Variants in NCOR1 observed in about 807,000 individuals in gnomAD.
NCOR1 encodes the protein nuclear receptor corepressor 1, also known as protein phosphatase 1, regulatory subunit 109.
NCOR1 carries 63 observed loss-of-function variants against 288.1 expected under a neutral mutation model. The observed-to-expected ratio is 0.22, with a 90% CI of 0.18 to 0.27. The LOEUF (loss-of-function observed/expected upper bound fraction) is 0.27. Among genes scored for constraint, NCOR1 ranks in the 10% least tolerant of loss-of-function variants. The pLI is 1.00. For synonymous variants in NCOR1, 1,007 were observed against 1,065.9 expected, an observed-to-expected ratio of 0.94 and a Z score of 1.08; for missense variants, 2,397 against 3,019.2, an observed-to-expected ratio of 0.79 and a Z score of 4.83.
At chr17:16,118,981 A>G (rs1463470849) in intron 17 of NCOR1, among the ~76,000 whole-genome samples, 2 of 152,222 alleles carry the variant, frequency 1.3e-5, no homozygotes, top group Non-Finnish European at 2.9e-5. Flanking sequence ...GCAATCTGCT[A>G]GTGGTTTATA....
chr17:16,175,035 TAAA>T (rs1173244552), intron 3 of NCOR1, among the ~76,000 whole-genome samples: 6 of 128,520 alleles, frequency 4.7e-5, no homozygotes, highest in African/African-American at 1.8e-4. Flanking sequence ...AACTGTGGTA[TAAA>T]AAAAAAAAAA....
chr17:16,192,896 T>C (rs1293173083), intron 2 of NCOR1, among the ~76,000 whole-genome samples: 1 of 152,148 alleles, frequency 6.6e-6, no homozygotes, highest in East Asian at 1.9e-4. Context: ...CAGACATGGA[T>C]AGATCACAGA....
chr17:16,145,592 A>G (rs2077817134), intron 10 of NCOR1, among the ~76,000 whole-genome samples: 1 of 148,196 alleles, frequency 6.7e-6, no homozygotes, highest in Non-Finnish European at 1.5e-5. Flanking sequence ...CCGGCTGCCC[A>G]GTCTGAGACG....
At chr17:16,172,042 TACA>T in intron 3 of NCOR1, 47 bp from the exon 4 acceptor site, 1 of 1,411,514 alleles carries the variant, frequency 7.1e-7, no homozygotes, top group Non-Finnish European at 9.6e-7. Context: ...GTAAGTGATG[TACA>T]ACTCCCTGGT....
intron 32 of NCOR1, among the ~76,000 whole-genome samples, chr17:16,067,086 A>G (rs1485002893): frequency 1.3e-5 from 2 of 152,242 alleles, no homozygotes; most frequent in African/African-American, 4.8e-5. Context: ...ATAACAGCCC[A>G]GCCAAGCCTC....
intron 17 of NCOR1, 121 bp downstream of exon 17, chr17:16,119,302 C>A: frequency 1.5e-6 from 1 of 652,534 alleles, no homozygotes; most frequent in South Asian, 2.3e-5. Context: ...ACTTCTGAGT[C>A]CTCTTTGCCT....
intron 5 of NCOR1, among the ~76,000 whole-genome samples, chr17:16,164,243 G>GAAAAAAAAAAAAAAAAA (rs34172004): frequency 1.4e-5 from 2 of 138,936 alleles, no homozygotes; most frequent in Non-Finnish European, 1.5e-5. Context: ...TCCAAATCTG[G>GAAAAAAAAAAAAAAAAA]AAAAAAAAAA....
chr17:16,126,575 G>C (rs1394073436), intron 14 of NCOR1, among the ~76,000 whole-genome samples: 1 of 152,066 alleles, frequency 6.6e-6, no homozygotes, highest in Non-Finnish European at 1.5e-5. Context: ...TCATGTTTTA[G>C]ATACTTAATA....
chr17:16,146,929 C>T (rs2078075791), intron 9 of NCOR1, among the ~76,000 whole-genome samples: 2 of 152,078 alleles, frequency 1.3e-5, no homozygotes, highest in Non-Finnish European at 1.5e-5. Context: ...GACCAATTAC[C>T]CAAAGGCAAC....
rs1024263356 is a variant in NCOR1, at chr17:16,127,315, A to G, written c.1510-1109T>C. 6.5e-4 allele frequency among the ~76,000 whole-genome samples: 26 copies of G among 40,020 alleles called. 7 individuals are homozygous for G. The highest frequency in any genetic ancestry group is 2.4e-3 in the South Asian group (4 of 1,650). 26.3% of individuals were successfully genotyped at this position (40,020 alleles called of 152,430 possible). On this transcript the variant is annotated intron_variant, in intron 14 of 45. Coordinates refer to ENST00000268712, the MANE Select transcript of NCOR1 (RefSeq NM_006311.4). ...TATGTATGTATGTATATATACATGT[A>G]TGTATATATGTATGTATATATACAT... is the stretch of plus-strand genomic sequence containing the variant.
In NCOR1 at chr17:16,149,515, T is replaced by C. The variant is rs779665111; in HGVS notation, c.845A>G (p.Asn282Ser). 6.7e-7 allele frequency: 1 copy of C among 1,492,902 alleles called. No individual in the cohort carries two copies. The highest frequency in any genetic ancestry group is 9.1e-7 in the Non-Finnish European group (1 of 1,094,190). 92.5% of individuals were successfully genotyped at this position (1,492,902 alleles called of 1,614,324 possible). Residue 282 changes from asparagine to serine, a missense_variant and splice_region_variant, in exon 9 of 46, where the codon AAC (asparagine) becomes AGC (serine). Transcript: ENST00000268712. ...AATGAGTTTTTTCCTCATCACCTGG[T>C]TTCTAGAAGAGAAAAATATGGTTGC... ...TKVYHENIKT[N>S]QVMRKKLILF... is the part of the protein sequence containing the mutation.
intron 42 of NCOR1, among the ~76,000 whole-genome samples, chr17:16,046,557 CTGAT>C (rs1028981506): frequency 2.0e-5 from 3 of 152,260 alleles, no homozygotes; most frequent in South Asian, 2.1e-4. Flanking sequence ...ACTGGGGACA[CTGAT>C]TGAGAGGACT....
intron 3 of NCOR1, among the ~76,000 whole-genome samples, chr17:16,176,126 G>A (rs1400849637): frequency 1.3e-5 from 2 of 152,078 alleles, no homozygotes; most frequent in Non-Finnish European, 2.9e-5. Context: ...GGCTGAGGTA[G>A]GAGAATCACT....
intron 26 of NCOR1, 23 bp from the exon 27 acceptor site, chr17:16,075,725 T>C (rs1567858836): frequency 1.2e-6 from 2 of 1,612,954 alleles, no homozygotes; most frequent in East Asian, 2.2e-5. Context: ...CAAGCATAAA[T>C]AGCAGAGGAG....
At position 16,101,503 on chromosome 17, in the gene NCOR1, G is replaced by A. The variant is rs769246689; in HGVS notation, c.2437C>T (p.Pro813Ser). Residue 813 changes from proline to serine, a missense_variant, in exon 20 of 46, where the codon CCC becomes TCC. Transcript: ENST00000268712. ...HSAEEGSVCDPPPATKADSVD... is the reference protein window; with the variant it reads ...HSAEEGSVCDSPPATKADSVD... ...GAGTCAGCTTTGGTAGCGGGTGGGG[G>A]ATCACAAACAGAACCCTCTTCAGCA... 6.2e-7 allele frequency: 1 copy of A among 1,614,144 alleles called. No homozygotes were observed. The highest frequency in any genetic ancestry group is 1.1e-5 in the South Asian group (1 of 91,076).
At chr17:16,202,027 C>G (rs1313288757) in intron 1 of NCOR1, among the ~76,000 whole-genome samples, 1 of 151,992 alleles carries the variant, frequency 6.6e-6, no homozygotes, top group African/African-American at 2.4e-5. Context: ...GAGTTCAAGA[C>G]CAGCCTGACC....
chr17:16,061,503 T>C lies in NCOR1; in HGVS notation c.5779A>G (p.Ile1927Val). The part of the protein sequence containing the change: ...EELRTRGKTT[I>V]TAANFIDVII... The stretch of plus-strand genomic sequence containing the variant: ...ACGTCTATGAAGTTAGCTGCAGTAA[T>C]GGTAGTCTTCCCTCTGGTCCTTAGC... The change falls in exon 37 of 46, where the codon ATT becomes GTT. Residue 1927 changes from isoleucine (I) to valine (V), a missense_variant. By Grantham distance (29) the Ile-to-Val change is conservative. This residue lies in a region of NCOR1 where 1,872 missense variants were observed against 2,187.8 expected (regional missense o/e 0.86). Transcript: ENST00000268712. 1 of 1,614,216 alleles carries C rather than the reference T, an allele frequency of 6.2e-7. No individual in the cohort carries two copies. The highest frequency in any genetic ancestry group is 8.5e-7 in the Non-Finnish European group (1 of 1,180,046).
At chr17:16,118,089 A>T in intron 17 of NCOR1, 62 bp from the exon 18 acceptor site, 1 of 1,524,444 alleles carries the variant, frequency 6.6e-7, no homozygotes, top group Non-Finnish European at 8.9e-7. Flanking sequence ...AAACAAGAGA[A>T]ATAATAAATT....
At position 16,039,894 on chromosome 17, in the gene NCOR1, G is replaced by T. The variant is rs1462221630; in HGVS notation, c.6734-240C>A. 6.6e-6 allele frequency: 3 copies of T among 454,314 alleles called. No individual in the cohort carries two copies. The East Asian group carries it at 1.3e-4, about 20-fold the overall frequency. 28.1% of individuals were successfully genotyped at this position (454,314 alleles called of 1,614,324 possible). A position where few individuals can be genotyped will look rare whatever the true frequency, so the allele number is the denominator to read the frequency against. On this transcript the variant is annotated intron_variant, in intron 43 of 45. Coordinates refer to ENST00000268712, the MANE Select transcript of NCOR1 (RefSeq NM_006311.4). Reference sequence around the variant, plus strand: ...CAACCTCCGCCTCCCAGATTCAAGGGATTCTCCTACCTCAGTCTCCCAAGT... The same window carrying T: ...CAACCTCCGCCTCCCAGATTCAAGGTATTCTCCTACCTCAGTCTCCCAAGT...
Sources: gnomAD v4.1 joint callset for allele counts (sites outside exome capture counted in the v4.1 genomes callset) on GRCh38, gnomAD v4.1.1 for gene constraint, gnomAD v4.1.1 regional missense constraint, MANE v1.5 for transcripts, NCBI Gene and HGNC (gene_info 2026-07-23, HGNC 2026-07-21) for gene names.